CIROP: variants seen among roughly 807,000 people sequenced by gnomAD.
The protein encoded by CIROP is ciliated left-right organizer metallopeptidase, also known as leishmanolysin homolog.
At chr14:23,102,582 C>T in the CIROP span, 1 of 702,682 alleles carries the variant, frequency 1.4e-6, no homozygotes, top group Non-Finnish European at 2.6e-6. Flanking sequence ...TAGTGAATTT[C>T]CTCTGGTTGA....
the CIROP span, chr14:23,100,120 G>C: frequency 6.1e-6 from 1 of 165,022 alleles, no homozygotes; most frequent in East Asian, 1.7e-4. Flanking sequence ...CTGGCATGGT[G>C]GTGTGCACCT....
the CIROP span, chr14:23,104,314 T>A: frequency 1.4e-6 from 1 of 696,888 alleles, no homozygotes; most frequent in Non-Finnish European, 2.6e-6. Flanking sequence ...TGAAGATCTG[T>A]AGGTGAGCTG....
the CIROP span, chr14:23,102,934 T>C: frequency 1.7e-6 from 1 of 599,536 alleles, no homozygotes; most frequent in Non-Finnish European, 3.0e-6. Flanking sequence ...ACCATGACGA[T>C]GTCACTGTGG....
chr14:23,102,441 C>T, the CIROP span: 5 of 702,860 alleles, frequency 7.1e-6, no homozygotes, highest in Non-Finnish European at 1.3e-5. Flanking sequence ...CAGTTGTCCC[C>T]ACTCATCTTG....
chr14:23,103,142 G>A, the CIROP span: 2 of 452,014 alleles, frequency 4.4e-6, no homozygotes, highest in Non-Finnish European at 7.7e-6. Context: ...AGGACCAGGG[G>A]ACTCTGCAGA....
chr14:23,102,913 A>G, the CIROP span: 2 of 604,242 alleles, frequency 3.3e-6, no homozygotes, highest in African/African-American at 1.9e-5. Context: ...CCTATTCATC[A>G]TGCAGCAGTC....
the CIROP span, chr14:23,102,430 G>A: frequency 8.5e-6 from 6 of 702,886 alleles, no homozygotes; most frequent in East Asian, 2.7e-5. Context: ...GTGGTGAGAA[G>A]CAGTTGTCCC....
At chr14:23,102,412 C>G in the CIROP span, 8 of 702,890 alleles carry the variant, frequency 1.1e-5, no homozygotes, top group Admixed American at 6.0e-5. Context: ...CTGAGGCTAA[C>G]AGCTGGGGTG....
the CIROP span, chr14:23,102,074 G>A: frequency 2.8e-6 from 2 of 702,536 alleles, no homozygotes; most frequent in Non-Finnish European, 2.6e-6. Flanking sequence ...CTCTCTGCAG[G>A]TCTCCCTTAT....
chr14:23,104,928 CTG>C, the CIROP span: 2 of 685,344 alleles, frequency 2.9e-6, no homozygotes, highest in Non-Finnish European at 5.3e-6. Context: ...CATCTCCCTT[CTG>C]TGTCTCTCCG....
At chr14:23,103,809 T>G in the CIROP span, 2 of 702,170 alleles carry the variant, frequency 2.8e-6, no homozygotes, top group Non-Finnish European at 5.2e-6. Context: ...CGAAGATGGG[T>G]GTCAGGAATC....
At chr14:23,100,714 A>G in the CIROP span, 1 of 399,020 alleles carries the variant, frequency 2.5e-6, no homozygotes, top group Non-Finnish European at 4.4e-6. Context: ...TAATAGAGAT[A>G]TAGTTCCTGG....
At chr14:23,104,886 GGCAGCAGCAGCA>G in the CIROP span, 260 of 453,992 alleles carry the variant, frequency 5.7e-4, 2 homozygotes, top group East Asian at 2.8e-3. Flanking sequence ...GACTAGTGGC[GGCAGCAGCAGCA>G]GCAGCAGCAG....
At chr14:23,102,079 C>T in the CIROP span, 2 of 703,012 alleles carry the variant, frequency 2.8e-6, no homozygotes, top group South Asian at 1.5e-5. Context: ...TGCAGGTCTC[C>T]CTTATTCCTC....
At chr14:23,103,449 G>A in the CIROP span, 326 of 484,316 alleles carry the variant, frequency 6.7e-4, 1 homozygote, top group African/African-American at 6.0e-3. Context: ...AGCTACTCAG[G>A]AGGCTGAGAT....
the CIROP span, chr14:23,100,526 G>C: frequency 2.4e-6 from 1 of 412,794 alleles, no homozygotes; most frequent in African/African-American, 2.1e-5. Flanking sequence ...GGTAAAGTTG[G>C]CTCCTCCATG....
At chr14:23,102,182 G>C in the CIROP span, 4 of 702,952 alleles carry the variant, frequency 5.7e-6, no homozygotes, top group East Asian at 1.1e-4. Flanking sequence ...GGGTCGAGTC[G>C]AGTGCGCTGG....
the CIROP span, chr14:23,101,244 G>T: frequency 2.2e-6 from 1 of 446,194 alleles, no homozygotes; most frequent in South Asian, 7.0e-5. Flanking sequence ...AGTATTTCCC[G>T]ACTTCTTTTT....
chr14:23,102,931 C>T, the CIROP span: 14 of 599,090 alleles, frequency 2.3e-5, no homozygotes, highest in Non-Finnish European at 3.6e-5. Context: ...GTCACCATGA[C>T]GATGTCACTG....
Sources: allele counts gnomAD v4.1 joint callset, GRCh38; gene constraint gnomAD v4.1.1; transcripts MANE v1.5; gene names NCBI Gene and HGNC (gene_info 2026-07-23, HGNC 2026-07-21).